Variants in WTAP observed in about 807,000 individuals in gnomAD.
WTAP encodes WT1 associated protein.
A neutral mutation model predicts 50.0 loss-of-function variants in WTAP; 8 were observed. That is an observed-to-expected ratio of 0.16 (90% CI 0.09 to 0.29). WTAP has a LOEUF of 0.29. Ranked by LOEUF, WTAP falls within the 10% of genes least tolerant of loss-of-function variation. WTAP has a pLI of 1.00. For missense variants in WTAP, 295 were observed against 470.7 expected, an observed-to-expected ratio of 0.63 and a Z score of 3.45; for synonymous variants, 194 against 169.0, an observed-to-expected ratio of 1.15 and a Z score of -1.15.
chr6:159,743,880 C>T (rs926498008), intron 5 of WTAP, 88 bp downstream of exon 5: 1 of 1,348,604 alleles, frequency 7.4e-7, no homozygotes, highest in South Asian at 1.8e-5. Context: ...ACATTTAATG[C>T]TAAATATAAG....
intron 2 of WTAP, chr6:159,736,632 C>CA (rs1778934522): frequency 5.4e-6 from 1 of 186,804 alleles, no homozygotes; most frequent in South Asian, 1.7e-4. Context: ...CAAATAATGT[C>CA]AAAAATGGAC....
At chr6:159,740,684 GT>G (rs1030103788) in intron 3 of WTAP, among the ~76,000 whole-genome samples, 112 of 142,542 alleles carry the variant, frequency 7.9e-4, no homozygotes, top group East Asian at 5.7e-3. Context: ...TATTAGGAAG[GT>G]TTTTTTTTTT....
At position 159,755,602 on chromosome 6, in the gene WTAP, A is replaced by G. The variant is rs777183181; in HGVS notation, c.1182A>G (p.Ser394=). The G allele has an allele frequency of 1.9e-6, 3 of 1,594,376 alleles. No individual in the cohort carries two copies. The highest frequency in any genetic ancestry group is 1.4e-5 in the African/African-American group (1 of 74,046). The change falls in exon 8 of 8, where the codon TCA becomes TCG. Residue 394 remains serine (S), a synonymous_variant. Transcript: ENST00000621533. ...ACTCAAGTGTAAATGTACAGGGTTCAGTTTTGTAATATTTTTTCAGCAAAT... is the reference window on the plus strand; with the variant it reads ...ACTCAAGTGTAAATGTACAGGGTTCGGTTTTGTAATATTTTTTCAGCAAAT... ...GLDSSVNVQG[S]VL
chr6:159,748,525 A>G lies in WTAP; in HGVS notation c.452+156A>G. 1 of 1,400,338 alleles carries G rather than the reference A, an allele frequency of 7.1e-7. No homozygotes were observed. Among genetic ancestry groups the G allele is most frequent in the Non-Finnish European group, 9.3e-7 (1 of 1,072,502 alleles). 86.7% of individuals were successfully genotyped at this position (1,400,338 alleles called of 1,614,324 possible). A position where few individuals can be genotyped will look rare whatever the true frequency, so the allele number is the denominator to read the frequency against. ...TACACTGTCCAGCTTGTAATGGTTAATGTAAAACTTACCAGATGAACCTTG... is the reference window on the plus strand; with the variant it reads ...TACACTGTCCAGCTTGTAATGGTTAGTGTAAAACTTACCAGATGAACCTTG... On this transcript the variant is annotated intron_variant, in intron 6 of 7. Transcript: ENST00000621533. This position sits in a 1 kb window ranked among gnomAD's most constrained non-coding sequence, Gnocchi z 5.6.
At chr6:159,738,140 TATC>T (rs1321170296) in intron 2 of WTAP, among the ~76,000 whole-genome samples, 1 of 152,230 alleles carries the variant, frequency 6.6e-6, no homozygotes, top group Non-Finnish European at 1.5e-5. Context: ...TATGCACTAT[TATC>T]ATGTCTAGCT....
Position 159,741,882 on chromosome 6 carries a change from T to C in WTAP, c.87-206T>C, listed in dbSNP as rs1779277367. 14 of 426,638 alleles carry C rather than the reference T, an allele frequency of 3.3e-5. No individual in the cohort carries two copies. The South Asian group carries it at 3.5e-4, about 11-fold the overall frequency. The allele number at this position is 426,638 out of a possible 1,614,324, so 26.4% of individuals were successfully genotyped here. On this transcript the variant is annotated intron_variant, in intron 3 of 7. Transcript: ENST00000621533. Reference sequence around the variant, plus strand: ...TATACAGGAAGCTGAGGCAGGGACATCGCTTGAGCCCAGACCCTGTTTGCG... The same window carrying C: ...TATACAGGAAGCTGAGGCAGGGACACCGCTTGAGCCCAGACCCTGTTTGCG...
At chr6:159,731,446 C>T (rs111503974) in intron 1 of WTAP, among the ~76,000 whole-genome samples, 11,865 of 151,974 alleles carry the variant, frequency 0.078, 992 homozygotes, top group African/African-American at 0.2. Context: ...CCAGCCTGGG[C>T]GACAGAGTGA....
At position 159,755,011 on chromosome 6, in the gene WTAP, G is replaced by T; in HGVS notation, c.608-17G>T. ...TTATAAACGATATTAAAGTTGGTCT[G>T]ACTCTCCTTTGCACAGAACTGAATG... is the stretch of plus-strand genomic sequence containing the variant. On this transcript the variant is annotated splice_polypyrimidine_tract_variant and intron_variant, in intron 7 of 7. Coordinates refer to ENST00000621533, the MANE Select transcript of WTAP (RefSeq NM_001270531.2). 1.3e-6 allele frequency: 2 copies of T among 1,581,118 alleles called. No individual in the cohort carries two copies. The highest frequency in any genetic ancestry group is 2.3e-5 in the South Asian group (2 of 86,848).
At position 159,748,509 on chromosome 6, in the gene WTAP, C is replaced by T; in HGVS notation, c.452+140C>T. The T allele has an allele frequency of 6.9e-7, 1 of 1,448,118 alleles. No homozygotes were observed. The highest frequency in any genetic ancestry group is 9.1e-7 in the Non-Finnish European group (1 of 1,097,838). The allele number at this position is 1,448,118 out of a possible 1,614,324, so 89.7% of individuals were successfully genotyped here. A position where few individuals can be genotyped will look rare whatever the true frequency, so the allele number is the denominator to read the frequency against. ...AAAAAAGCCACATTCTTACACTGTC[C>T]AGCTTGTAATGGTTAATGTAAAACT... On this transcript the variant is annotated intron_variant, in intron 6 of 7. Transcript: ENST00000621533. This position sits in a 1 kb window ranked among gnomAD's most constrained non-coding sequence, Gnocchi z 5.6.
chr6:159,748,513 T>C lies in WTAP; in HGVS notation c.452+144T>C. On this transcript the variant is annotated intron_variant, in intron 6 of 7. Transcript: ENST00000621533. The surrounding 1 kb of genome is among the most constrained non-coding windows in gnomAD (Gnocchi z 5.6). ...AAGCCACATTCTTACACTGTCCAGC[T>C]TGTAATGGTTAATGTAAAACTTACC... The C allele has an allele frequency of 6.9e-7, 1 of 1,439,316 alleles. No homozygotes were observed. Among genetic ancestry groups the C allele is most frequent in the Non-Finnish European group, 9.1e-7 (1 of 1,093,018 alleles). 89.2% of individuals were successfully genotyped at this position (1,439,316 alleles called of 1,614,324 possible).
intron 1 of WTAP, among the ~76,000 whole-genome samples, chr6:159,733,848 G>A (rs1473672565): frequency 6.6e-6 from 1 of 152,126 alleles, no homozygotes; most frequent in Non-Finnish European, 1.5e-5. Context: ...CCCAGGAGGC[G>A]GAGGTTGCGG....
chr6:159,747,092 A>G (rs1779620112), intron 5 of WTAP, among the ~76,000 whole-genome samples: 1 of 152,230 alleles, frequency 6.6e-6, no homozygotes, highest in East Asian at 1.9e-4. Flanking sequence ...TGTTCCTTTT[A>G]CTAAATTTAT....
chr6:159,729,359 T>G (rs1050279412), intron 1 of WTAP, among the ~76,000 whole-genome samples: 5 of 152,238 alleles, frequency 3.3e-5, no homozygotes, highest in South Asian at 2.1e-4. Flanking sequence ...ATATTTTGCT[T>G]CTTGTAGTTA....
At chr6:159,735,461 A>G (rs1047138483) in intron 1 of WTAP, among the ~76,000 whole-genome samples, 1 of 152,184 alleles carries the variant, frequency 6.6e-6, no homozygotes, top group African/African-American at 2.4e-5. Context: ...ATTTTAAAAT[A>G]TGTAATAGGA....
intron 3 of WTAP, among the ~76,000 whole-genome samples, chr6:159,739,432 T>C (rs144123623): frequency 1.8e-4 from 27 of 152,342 alleles, no homozygotes; most frequent in African/African-American, 6.3e-4. Context: ...CTTCATACTC[T>C]TCATTTTCTC....
intron 3 of WTAP, 159 bp from the exon 4 acceptor site, chr6:159,741,929 G>T: frequency 1.8e-6 from 1 of 555,790 alleles, no homozygotes; most frequent in Non-Finnish European, 3.2e-6. Flanking sequence ...TCCAGCCTGG[G>T]GGACAGAGCG....
chr6:159,738,493 C>T (rs568018445), intron 2 of WTAP, among the ~76,000 whole-genome samples: 47 of 152,238 alleles, frequency 3.1e-4, no homozygotes, highest in African/African-American at 1.0e-3. Flanking sequence ...TGTTAAAGGA[C>T]ATTTGGATAG....
intron 5 of WTAP, 101 bp downstream of exon 5, chr6:159,743,893 C>CT (rs1779407932): frequency 2.4e-6 from 3 of 1,263,080 alleles, no homozygotes; most frequent in Admixed American, 3.2e-5. Context: ...AATATAAGAG[C>CT]TTATCTTTTA....
At chr6:159,744,498 GGAGAC>G (rs1489785797) in intron 5 of WTAP, among the ~76,000 whole-genome samples, 6 of 148,848 alleles carry the variant, frequency 4.0e-5, no homozygotes, top group African/African-American at 1.5e-4. Flanking sequence ...TCTGGTCATT[GGAGAC>G]ACCAAAAATC....
Sources: gnomAD v4.1 joint callset for allele counts (sites outside exome capture counted in the v4.1 genomes callset) on GRCh38, gnomAD v4.1.1 for gene constraint, Gnocchi (gnomAD v3.1) non-coding constraint, MANE v1.5 for transcripts, NCBI Gene and HGNC (gene_info 2026-07-23, HGNC 2026-07-21) for gene names.